IMPA1: variants seen among roughly 807,000 people sequenced by gnomAD.
IMPA1 encodes D-galactose 1-phosphate phosphatase.
IMPA1 carries 21 observed loss-of-function variants against 34.9 expected under a neutral mutation model. The observed-to-expected ratio is 0.60, with a 90% CI of 0.43 to 0.87. The LOEUF (loss-of-function observed/expected upper bound fraction) is 0.87, where lower values mean the gene tolerates loss of function less well. Among genes scored for constraint, IMPA1 ranks in the 40% least tolerant of loss-of-function variants. The probability of loss-of-function intolerance (pLI) is 0.00; values close to 1 mark genes in which losing one functional copy is unlikely to be tolerated. For synonymous variants in IMPA1, 95 were observed against 104.4 expected (o/e 0.91, Z 0.55); for missense variants, 299 against 336.4 (o/e 0.89, Z 0.87).
At chr8:81,684,560 AATGTG>A (rs1807425327) in intron 1 of IMPA1, among the ~76,000 whole-genome samples, 2 of 51,696 alleles carry the variant, frequency 3.9e-5, no homozygotes, top group Non-Finnish European at 6.7e-5. Flanking sequence ...TTTAGATACT[AATGTG>A]TAGTATATAT....
chr8:81,670,393 G>C (rs1385160689), intron 7 of IMPA1, among the ~76,000 whole-genome samples: 1 of 151,666 alleles, frequency 6.6e-6, no homozygotes, highest in Admixed American at 6.6e-5. Flanking sequence ...CCAAAAGAAA[G>C]CACGAAGATG....
intron 8 of IMPA1, 50 bp downstream of exon 8, chr8:81,660,460 TATGGAC>T: frequency 6.5e-7 from 1 of 1,531,548 alleles, no homozygotes; most frequent in South Asian, 1.2e-5. Flanking sequence ...AAATTCTACA[TATGGAC>T]AAAAGTCCAA....
intron 4 of IMPA1, among the ~76,000 whole-genome samples, chr8:81,676,531 T>C (rs190086125): frequency 9.2e-4 from 140 of 152,222 alleles, no homozygotes; most frequent in Non-Finnish European, 6.8e-4. Flanking sequence ...GATGCTTCTA[T>C]AGGCATGAAA....
chr8:81,673,397 C>G (rs1807044565), intron 6 of IMPA1, among the ~76,000 whole-genome samples: 2 of 152,168 alleles, frequency 1.3e-5, no homozygotes, highest in African/African-American at 4.8e-5. Flanking sequence ...TTCTAGTTGT[C>G]CTGCCTTTAT....
At chr8:81,683,586 A>T in intron 1 of IMPA1, among the ~76,000 whole-genome samples, 1 of 152,180 alleles carries the variant, frequency 6.6e-6, no homozygotes, top group East Asian at 1.9e-4. Context: ...GAGCAACAAA[A>T]AAAGAGTCAA....
chr8:81,679,043 T>G, intron 4 of IMPA1, 83 bp downstream of exon 4: 1 of 816,110 alleles, frequency 1.2e-6, no homozygotes, highest in South Asian at 1.5e-5. Flanking sequence ...TTTTCTAAAG[T>G]GTACATGTTC....
chr8:81,661,591 A>G (rs187781887), intron 7 of IMPA1, among the ~76,000 whole-genome samples: 80 of 152,390 alleles, frequency 5.2e-4, no homozygotes, highest in African/African-American at 1.8e-3. Flanking sequence ...TCAAGGTGAT[A>G]AAAGACAAAG....
chr8:81,685,578 G>T (rs1354960625), intron 1 of IMPA1, among the ~76,000 whole-genome samples: 5 of 144,450 alleles, frequency 3.5e-5, no homozygotes, highest in Non-Finnish European at 7.5e-5. Flanking sequence ...TAAGTATACA[G>T]AAGTATATTT....
intron 7 of IMPA1, among the ~76,000 whole-genome samples, chr8:81,663,108 T>A (rs76543342): frequency 0.044 from 6,777 of 152,318 alleles, 350 homozygotes; most frequent in Admixed American, 0.16. Context: ...TTTTCCTGGT[T>A]ATACTTTTGA....
intron 1 of IMPA1, among the ~76,000 whole-genome samples, chr8:81,683,854 T>C (rs1268707491): frequency 6.6e-6 from 1 of 152,134 alleles, no homozygotes; most frequent in African/African-American, 2.4e-5. Flanking sequence ...ATGATCCAAA[T>C]GGAACAGACT....
intron 7 of IMPA1, among the ~76,000 whole-genome samples, chr8:81,660,907 A>G (rs1468052693): frequency 1.3e-5 from 2 of 152,236 alleles, no homozygotes; most frequent in Admixed American, 1.3e-4. Context: ...CATTAAAACA[A>G]TAATTTTTCA....
At chr8:81,678,141 T>G (rs924119112) in intron 4 of IMPA1, among the ~76,000 whole-genome samples, 26 of 152,046 alleles carry the variant, frequency 1.7e-4, no homozygotes, top group African/African-American at 6.0e-4. Flanking sequence ...AATACCAGAA[T>G]GCACGTCTAT....
At chr8:81,664,813 C>T (rs975775170) in intron 7 of IMPA1, among the ~76,000 whole-genome samples, 14 of 150,430 alleles carry the variant, frequency 9.3e-5, no homozygotes, top group African/African-American at 3.4e-4. Flanking sequence ...CACATGTATA[C>T]ATATGTAACT....
At chr8:81,676,318 CAT>C in intron 4 of IMPA1, 39 bp from the exon 5 acceptor site, 1 of 997,396 alleles carries the variant, frequency 1.0e-6, no homozygotes, top group Non-Finnish European at 1.5e-6. Context: ...AATTAACCAA[CAT>C]AGAACTTTTG....
chr8:81,685,790 T>C (rs1807500694), intron 1 of IMPA1: 3 of 1,539,202 alleles, frequency 1.9e-6, no homozygotes, highest in Non-Finnish European at 2.6e-6. Context: ...CATAAACACC[T>C]GAACTGTTTC....
chr8:81,680,904 A>G, intron 2 of IMPA1, 121 bp from the exon 3 acceptor site: 2 of 743,458 alleles, frequency 2.7e-6, no homozygotes, highest in Non-Finnish European at 4.2e-6. Context: ...ACATTCTTAA[A>G]AATGTCTTAC....
chr8:81,662,602 T>C (rs903532269), intron 7 of IMPA1, among the ~76,000 whole-genome samples: 1 of 152,186 alleles, frequency 6.6e-6, no homozygotes, highest in Non-Finnish European at 1.5e-5. Context: ...GCAGCTAACA[T>C]GGCACATTGT....
At chr8:81,663,077 A>C (rs1376881594) in intron 7 of IMPA1, among the ~76,000 whole-genome samples, 2 of 152,386 alleles carry the variant, frequency 1.3e-5, no homozygotes, top group East Asian at 3.9e-4. Flanking sequence ...GCAATCAGTA[A>C]GTCAGTACTT....
chr8:81,671,346 A>C (rs1387156871), intron 6 of IMPA1, among the ~76,000 whole-genome samples: 1 of 152,174 alleles, frequency 6.6e-6, no homozygotes, highest in Non-Finnish European at 1.5e-5. Flanking sequence ...ACTAAATTCA[A>C]TAAGGGATTT....
Sources: allele counts gnomAD v4.1 joint callset (sites outside exome capture counted in the v4.1 genomes callset), GRCh38; gene constraint gnomAD v4.1.1; transcripts MANE v1.5; gene names NCBI Gene and HGNC (gene_info 2026-07-23, HGNC 2026-07-21).